Variants in TTC3 observed in about 807,000 individuals in gnomAD.
TTC3 encodes the protein tetratricopeptide repeat domain 3.
TTC3 carries 180 observed loss-of-function variants against 249.6 expected under a neutral mutation model. That is an observed-to-expected ratio of 0.72 (90% CI 0.64 to 0.82). TTC3 has a LOEUF of 0.82. Ranked by LOEUF, TTC3 falls within the 40% of genes least tolerant of loss-of-function variation. The pLI is 0.00. For synonymous variants in TTC3, 717 were observed against 805.0 expected (o/e 0.89, Z 1.85); for missense variants, 2,061 against 2,398.4 (o/e 0.86, Z 2.94).
intron 17 of TTC3, among the ~76,000 whole-genome samples, chr21:37,133,194 A>G (rs1166549540): frequency 6.6e-6 from 1 of 152,194 alleles, no homozygotes; most frequent in Non-Finnish European, 1.5e-5. Flanking sequence ...GTTTCATTAT[A>G]CTTATTCTAA....
chr21:37,094,825 A>G (rs1191437746), intron 8 of TTC3, among the ~76,000 whole-genome samples: 1 of 152,178 alleles, frequency 6.6e-6, no homozygotes, highest in East Asian at 1.9e-4. Context: ...GTCATTCAAG[A>G]CAGGTTTATT....
At chr21:37,164,987 T>C (rs2081118758) in intron 32 of TTC3, among the ~76,000 whole-genome samples, 1 of 152,216 alleles carries the variant, frequency 6.6e-6, no homozygotes, top group Non-Finnish European at 1.5e-5. Context: ...GGTTTTTCTT[T>C]AGAGTTGAAA....
In TTC3 at chr21:37,090,180, T is replaced by C. The variant is rs1601318470; in HGVS notation, c.427-53T>C. 12 of 1,395,774 alleles carry C rather than the reference T, an allele frequency of 8.6e-6. No individual in the cohort carries two copies. In the East Asian group the frequency reaches 2.8e-4, roughly 32 times the overall value. 86.5% of individuals were successfully genotyped at this position (1,395,774 alleles called of 1,614,324 possible). A position where few individuals can be genotyped will look rare whatever the true frequency, so the allele number is the denominator to read the frequency against. On this transcript the variant is annotated intron_variant, in intron 5 of 45. Coordinates refer to ENST00000355666, the Ensembl canonical transcript of TTC3. ...GTAGGCCATTTTTCCGTTAGAAAATTCAAGTAGAATTGACTGAATAAGGAA... is the reference window on the plus strand; with the variant it reads ...GTAGGCCATTTTTCCGTTAGAAAATCCAAGTAGAATTGACTGAATAAGGAA...
At chr21:37,124,581 C>T in intron 13 of TTC3, 38 bp from the exon 14 acceptor site, 1 of 1,596,644 alleles carries the variant, frequency 6.3e-7, no homozygotes, top group Non-Finnish European at 8.5e-7. Context: ...GGATAACTTT[C>T]AAAAAATGTA....
rs538684242 is a variant in TTC3, at chr21:37,120,130, C to A, written c.901-1687C>A. On this transcript the variant is annotated intron_variant, in intron 11 of 45. Transcript: ENST00000355666. The stretch of plus-strand genomic sequence containing the variant: ...ACTGGAACTGACAGTCCTGCTGTTA[C>A]TGTGAGAAGTGGGAACATGGTGGTC... Among the ~76,000 whole-genome samples the A allele has an allele frequency of 2.4e-3, 371 of 152,262 alleles. 1 individual carries two copies. Among genetic ancestry groups the A allele is most frequent in the Non-Finnish European group, 3.9e-3 (262 of 68,014 alleles).
intron 11 of TTC3, among the ~76,000 whole-genome samples, chr21:37,118,194 TA>T (rs1247208890): frequency 6.6e-6 from 1 of 152,130 alleles, no homozygotes; most frequent in Non-Finnish European, 1.5e-5. Context: ...TCATACAGGG[TA>T]TATTTACTTT....
At chr21:37,187,446 T>C (rs2083432169) in intron 38 of TTC3, among the ~76,000 whole-genome samples, 1 of 152,226 alleles carries the variant, frequency 6.6e-6, no homozygotes, top group South Asian at 2.1e-4. Context: ...TTGAATACTT[T>C]CATCATATTT....
chr21:37,144,660 T>C lies in TTC3; in HGVS notation c.1893+15T>C. 2 of 1,603,128 alleles carry C rather than the reference T, an allele frequency of 1.2e-6. No individual in the cohort carries two copies. Among genetic ancestry groups the C allele is most frequent in the African/African-American group, 2.7e-5 (2 of 74,532 alleles). On this transcript the variant is annotated intron_variant, in intron 21 of 45. Coordinates refer to ENST00000355666, the Ensembl canonical transcript of TTC3. ...AAAAAATAAAGGTAACCATTTATTT[T>C]TGCAGAGTGTTTCTTACTGTGAATG...
At position 37,174,333 on chromosome 21, in the gene TTC3, A is replaced by T. The variant is rs576380234; in HGVS notation, c.4617+1589A>T. Among the ~76,000 whole-genome samples the T allele has an allele frequency of 4.6e-5, 7 of 152,326 alleles. No homozygotes were observed. The East Asian group carries it at 1.3e-3, about 29-fold the overall frequency. ...CTAAGCCCCCCAGATCACAGGCCTG[A>T]TAAGTTATTAGACTTGCCACGTAAA... On this transcript the variant is annotated intron_variant, in intron 35 of 45. Coordinates refer to ENST00000355666, the Ensembl canonical transcript of TTC3.
chr21:37,178,740 G>A (rs1443450100), intron 35 of TTC3, among the ~76,000 whole-genome samples: 1 of 152,090 alleles, frequency 6.6e-6, no homozygotes, highest in Non-Finnish European at 1.5e-5. Flanking sequence ...CAGAAAGATC[G>A]CTTGAGCCCA....
intron 10 of TTC3, among the ~76,000 whole-genome samples, chr21:37,106,534 G>A (rs2075091999): frequency 6.6e-6 from 1 of 152,158 alleles, no homozygotes; most frequent in Non-Finnish European, 1.5e-5. Context: ...CAACTTTGAT[G>A]TACAGATCTG....
At chr21:37,170,065 T>G (rs1419263832) in intron 34 of TTC3, among the ~76,000 whole-genome samples, 1 of 152,162 alleles carries the variant, frequency 6.6e-6, no homozygotes, top group Non-Finnish European at 1.5e-5. Context: ...GGAAAAATTT[T>G]TTGTAAGATC....
chr21:37,147,754 A>G (rs2079104871), intron 22 of TTC3, 151 bp downstream of exon 22: 1 of 883,446 alleles, frequency 1.1e-6, no homozygotes. Context: ...TTTTGAGATA[A>G]GTCTCACTCT....
chr21:37,148,274 A>G (rs2079154718), intron 22 of TTC3, among the ~76,000 whole-genome samples: 1 of 152,312 alleles, frequency 6.6e-6, no homozygotes, highest in African/African-American at 2.4e-5. Context: ...TTAGAGACCT[A>G]AATTTGAGAT....
At chr21:37,075,067 A>G (rs917253405) in intron 1 of TTC3, among the ~76,000 whole-genome samples, 8 of 150,910 alleles carry the variant, frequency 5.3e-5, no homozygotes, top group South Asian at 4.2e-4. Flanking sequence ...TACTTTGCAT[A>G]TTTTATACTT....
intron 1 of TTC3, among the ~76,000 whole-genome samples, chr21:37,078,359 A>C (rs2071182034): frequency 6.6e-6 from 1 of 152,208 alleles, no homozygotes; most frequent in Non-Finnish European, 1.5e-5. Context: ...TGTAGGTATT[A>C]ATTAGAATTA....
intron 21 of TTC3, 122 bp downstream of exon 21, chr21:37,144,767 C>T (rs2078839571): frequency 8.5e-7 from 1 of 1,183,368 alleles, no homozygotes; most frequent in Non-Finnish European, 1.2e-6. Context: ...ACGCATTTCC[C>T]CTCTACTGTC....
intron 28 of TTC3, among the ~76,000 whole-genome samples, chr21:37,158,601 G>C (rs1601864032): frequency 2.0e-5 from 3 of 152,112 alleles, no homozygotes; most frequent in Admixed American, 2.0e-4. Context: ...CTTTTTCCCT[G>C]ACCTCTTCAT....
At chr21:37,076,694 A>ATTTTTTTTTTTTTTTTTTTT (rs61629167) in intron 1 of TTC3, among the ~76,000 whole-genome samples, 1 of 95,006 alleles carries the variant, frequency 1.1e-5, no homozygotes, top group African/African-American at 4.7e-5. Flanking sequence ...AAACAAAGGG[A>ATTTTTTTTTTTTTTTTTTTT]TTTTTTTTTT....
Sources: allele counts gnomAD v4.1 joint callset (sites outside exome capture counted in the v4.1 genomes callset), GRCh38; gene constraint gnomAD v4.1.1; transcripts MANE v1.5; gene names NCBI Gene and HGNC (gene_info 2026-07-23, HGNC 2026-07-21).